Variants in ANO2 observed in about 807,000 individuals in gnomAD.
ANO2 encodes the protein anoctamin 2, also known as anoctamin-2.
A neutral mutation model predicts 124.2 loss-of-function variants in ANO2; 101 were observed. The observed-to-expected ratio is 0.81, with a 90% confidence interval of 0.69 to 0.96. The LOEUF (loss-of-function observed/expected upper bound fraction) is 0.96, where lower values mean the gene tolerates loss of function less well. Among genes scored for constraint, ANO2 ranks in the 40% least tolerant of loss-of-function variants. ANO2 has a pLI of 0.00. For missense variants in ANO2, 1,293 were observed against 1,274.5 expected, an observed-to-expected ratio of 1.01 and a Z score of -0.22; for synonymous variants, 486 against 482.5, an observed-to-expected ratio of 1.01 and a Z score of -0.09.
chr12:5,888,359 A>G lies in ANO2; in HGVS notation c.534+32681T>C, dbSNP rs547477644. 2.0e-5 allele frequency among the ~76,000 whole-genome samples: 3 copies of G among 152,262 alleles called. No homozygotes were observed. The East Asian group carries it at 5.8e-4, about 29-fold the overall frequency. ...TGAGCAGCAGCAAGATTTATTGCAA[A>G]AAGCGAAAGAACAAACCTTCCACAG... On this transcript the variant is annotated intron_variant, in intron 3 of 24. Coordinates refer to ENST00000682330, the MANE Select transcript of ANO2 (RefSeq NM_001364791.2).
chr12:5,572,585 C>G (rs561287910), intron 23 of ANO2, among the ~76,000 whole-genome samples: 6 of 152,296 alleles, frequency 3.9e-5, no homozygotes, highest in African/African-American at 1.4e-4. Flanking sequence ...TCTGCTCCAT[C>G]TAGAGTTCTT....
intron 1 of ANO2, among the ~76,000 whole-genome samples, chr12:5,927,132 AC>A (rs1176280649): frequency 6.6e-6 from 1 of 152,042 alleles, no homozygotes; most frequent in Non-Finnish European, 1.5e-5. Context: ...CTGCCTGCTC[AC>A]CTGCCACTTC....
At chr12:5,681,710 C>T (rs1372626899) in intron 14 of ANO2, among the ~76,000 whole-genome samples, 1 of 152,220 alleles carries the variant, frequency 6.6e-6, no homozygotes, top group Non-Finnish European at 1.5e-5. Flanking sequence ...ATATCCTCTT[C>T]TTATTCCCTG....
At chr12:5,772,676 T>C (rs1315803713) in intron 10 of ANO2, among the ~76,000 whole-genome samples, 2 of 152,212 alleles carry the variant, frequency 1.3e-5, no homozygotes, top group African/African-American at 2.4e-5. Flanking sequence ...ATAAACAGCA[T>C]GTGCCACACT....
At chr12:5,818,466 T>TATATATATATATATGGATATGTAATAGG (rs1953682349) in intron 7 of ANO2, among the ~76,000 whole-genome samples, 1 of 79,612 alleles carries the variant, frequency 1.3e-5, no homozygotes, top group Non-Finnish European at 2.2e-5. Flanking sequence ...TATATATATA[T>TATATATATATATATGGATATGTAATAGG]ATATATATAT....
At chr12:5,642,753 G>T (rs1463721319) in intron 15 of ANO2, among the ~76,000 whole-genome samples, 2 of 152,070 alleles carry the variant, frequency 1.3e-5, no homozygotes, top group African/African-American at 4.8e-5. Context: ...CCTACCTACA[G>T]GGCTCCTCGT....
chr12:5,731,872 C>T (rs1412676549), intron 14 of ANO2, among the ~76,000 whole-genome samples: 1 of 152,094 alleles, frequency 6.6e-6, no homozygotes, highest in Non-Finnish European at 1.5e-5. Flanking sequence ...TGAGCAAATA[C>T]AGGCATGTAT....
intron 3 of ANO2, among the ~76,000 whole-genome samples, chr12:5,911,090 C>G (rs550808087): frequency 6.6e-6 from 1 of 152,272 alleles, no homozygotes; most frequent in African/African-American, 2.4e-5. Flanking sequence ...ATCAGACCAT[C>G]GGTCACTCTC....
intron 9 of ANO2, among the ~76,000 whole-genome samples, chr12:5,803,117 A>C (rs961068861): frequency 2.0e-5 from 3 of 152,332 alleles, no homozygotes; most frequent in African/African-American, 7.2e-5. Flanking sequence ...GCTAGACCTG[A>C]GACAGGCAGA....
At chr12:5,682,237 A>C (rs992469034) in intron 14 of ANO2, among the ~76,000 whole-genome samples, 4 of 152,160 alleles carry the variant, frequency 2.6e-5, no homozygotes, top group Non-Finnish European at 4.4e-5. Context: ...TGGTCTTTTG[A>C]GATTTTAAGA....
chr12:5,850,494 G>T (rs1405555773), intron 4 of ANO2, among the ~76,000 whole-genome samples: 1 of 149,382 alleles, frequency 6.7e-6, no homozygotes, highest in Non-Finnish European at 1.5e-5. Context: ...CAGTCCCCCT[G>T]AGTCGAGTCT....
intron 13 of ANO2, among the ~76,000 whole-genome samples, chr12:5,737,905 A>G (rs955520901): frequency 6.6e-6 from 1 of 152,186 alleles, no homozygotes; most frequent in Non-Finnish European, 1.5e-5. Flanking sequence ...ATGCATATGT[A>G]TATTCTCTCT....
chr12:5,586,508 T>A (rs1943116086), intron 20 of ANO2, among the ~76,000 whole-genome samples: 1 of 152,228 alleles, frequency 6.6e-6, no homozygotes, highest in South Asian at 2.1e-4. Flanking sequence ...TGGGCCTCAG[T>A]GCTGATGGTT....
At chr12:5,650,917 G>C (rs1946885338) in intron 14 of ANO2, among the ~76,000 whole-genome samples, 1 of 152,176 alleles carries the variant, frequency 6.6e-6, no homozygotes, top group South Asian at 2.1e-4. Flanking sequence ...CTATGAAGCA[G>C]GTCAAGAGAG....
chr12:5,696,049 T>C (rs1047309412), intron 14 of ANO2, among the ~76,000 whole-genome samples: 2 of 150,448 alleles, frequency 1.3e-5, no homozygotes, highest in Non-Finnish European at 3.0e-5. Flanking sequence ...GTTTACATGC[T>C]TTTTTTTTAG....
intron 1 of ANO2, among the ~76,000 whole-genome samples, chr12:5,941,454 C>G (rs758812637): frequency 3.0e-4 from 46 of 151,860 alleles, no homozygotes; most frequent in Non-Finnish European, 5.3e-4. Flanking sequence ...AATTTAACAG[C>G]ACCTCAGAAA....
At chr12:5,610,620 T>C (rs909430432) in intron 19 of ANO2, among the ~76,000 whole-genome samples, 43 of 143,494 alleles carry the variant, frequency 3.0e-4, no homozygotes, top group Non-Finnish European at 5.5e-4. Context: ...TATATGTATA[T>C]ATTTATATAT....
chr12:5,866,889 C>A (rs1955441094), intron 3 of ANO2, among the ~76,000 whole-genome samples: 1 of 152,214 alleles, frequency 6.6e-6, no homozygotes, highest in Admixed American at 6.5e-5. Context: ...TAAGAAAATG[C>A]CTTCCTCTTT....
At chr12:5,682,729 A>T (rs7955404) in intron 14 of ANO2, among the ~76,000 whole-genome samples, 56,614 of 152,032 alleles carry the variant, frequency 0.37, 12,277 homozygotes, top group East Asian at 0.59. Context: ...TGTTAAGGAT[A>T]TTTTGAGCTG....
Sources: gnomAD v4.1 joint callset for allele counts (sites outside exome capture counted in the v4.1 genomes callset) on GRCh38, gnomAD v4.1.1 for gene constraint, MANE v1.5 for transcripts, NCBI Gene and HGNC (gene_info 2026-07-23, HGNC 2026-07-21) for gene names.